NRXN3: variants seen among roughly 807,000 people sequenced by gnomAD.
NRXN3 encodes neurexin 3.
Under a neutral mutation model 137.6 loss-of-function variants are expected in NRXN3, and 32 were observed. The ratio of observed to expected loss-of-function variants is 0.23; its 90% CI spans 0.18 to 0.31. NRXN3 has a LOEUF of 0.31. Among genes scored for constraint, NRXN3 ranks in the 10% least tolerant of loss-of-function variants. NRXN3 has a pLI of 1.00. For synonymous variants in NRXN3, 798 were observed against 784.5 expected (o/e 1.02, Z -0.29); for missense variants, 1,574 against 2,062.5 (o/e 0.76, Z 4.59).
At chr14:78,714,054 T>A (rs547996838) in intron 7 of NRXN3, among the ~76,000 whole-genome samples, 6 of 152,314 alleles carry the variant, frequency 3.9e-5, no homozygotes, top group African/African-American at 1.2e-4. Flanking sequence ...ACAGAATAGG[T>A]CTTCCATACA....
chr14:79,402,002 G>A (rs1005095983), intron 15 of NRXN3, among the ~76,000 whole-genome samples: 9 of 151,998 alleles, frequency 5.9e-5, no homozygotes, highest in African/African-American at 1.9e-4. Flanking sequence ...CTGAAGCTTC[G>A]AATTCCCGGG....
intron 4 of NRXN3, among the ~76,000 whole-genome samples, chr14:78,511,059 T>G (rs1015540072): frequency 1.3e-5 from 2 of 152,184 alleles, no homozygotes; most frequent in African/African-American, 4.8e-5. Flanking sequence ...ACCCAGTGCC[T>G]TCTTATTTCT....
intron 7 of NRXN3, 29 bp from the exon 8 acceptor site, chr14:78,714,727 C>A: frequency 6.2e-7 from 1 of 1,601,236 alleles, no homozygotes; most frequent in Non-Finnish European, 8.5e-7. Flanking sequence ...AACTGGCAGA[C>A]TCACCTGAGA....
chr14:78,999,952 C>G (rs1449713519), intron 15 of NRXN3, among the ~76,000 whole-genome samples: 1 of 152,044 alleles, frequency 6.6e-6, no homozygotes, highest in African/African-American at 2.4e-5. Context: ...TTTATGTTGA[C>G]CAAAATCAGT....
intron 4 of NRXN3, among the ~76,000 whole-genome samples, chr14:78,349,607 G>A (rs994964051): frequency 1.3e-5 from 2 of 152,130 alleles, no homozygotes; most frequent in Non-Finnish European, 2.9e-5. Flanking sequence ...CTAGTTATAG[G>A]CTTTCAGTTG....
At chr14:78,611,899 G>T (rs1430728586) in intron 4 of NRXN3, among the ~76,000 whole-genome samples, 1 of 152,186 alleles carries the variant, frequency 6.6e-6, no homozygotes. Flanking sequence ...CCTTTGAATT[G>T]TTGATAAGAT....
chr14:79,145,086 T>G (rs562296855), intron 15 of NRXN3, among the ~76,000 whole-genome samples: 7 of 152,268 alleles, frequency 4.6e-5, no homozygotes, highest in African/African-American at 1.7e-4. Flanking sequence ...ATCATTTAAA[T>G]GGAAAGCCCT....
intron 15 of NRXN3, among the ~76,000 whole-genome samples, chr14:79,082,177 CAT>C (rs531025593): frequency 2.6e-5 from 4 of 151,928 alleles, no homozygotes; most frequent in East Asian, 1.9e-4. Flanking sequence ...CTATATATCA[CAT>C]GTTTCAAGAA....
chr14:78,472,401 G>A (rs1166865884), intron 4 of NRXN3, among the ~76,000 whole-genome samples: 1 of 152,194 alleles, frequency 6.6e-6, no homozygotes, highest in Non-Finnish European at 1.5e-5. Flanking sequence ...ACAACATTTA[G>A]TAATTTTCCC....
intron 16 of NRXN3, among the ~76,000 whole-genome samples, chr14:79,568,226 G>C (rs900781489): frequency 1.3e-5 from 2 of 152,094 alleles, no homozygotes; most frequent in African/African-American, 2.4e-5. Context: ...GGGATATATT[G>C]CTTGGAGTTC....
At position 79,343,296 on chromosome 14, in the gene NRXN3, G is replaced by A. The variant is rs115561042; in HGVS notation, c.3263-123925G>A. 2.6e-3 allele frequency among the ~76,000 whole-genome samples: 390 copies of A among 152,174 alleles called. 2 individuals carry two copies. Among genetic ancestry groups the A allele is most frequent in the African/African-American group, 8.5e-3 (353 of 41,498 alleles). ...TCTGCTTTGGGAAAGGGCTTTTATC[G>A]TCTTTGTTTTAAACTGTAAGCTATA... On this transcript the variant is annotated intron_variant, in intron 15 of 20. Coordinates refer to ENST00000335750, the MANE Select transcript of NRXN3 (RefSeq NM_001330195.2).
At chr14:79,735,731 G>A (rs1055961793) in intron 19 of NRXN3, among the ~76,000 whole-genome samples, 2 of 152,130 alleles carry the variant, frequency 1.3e-5, no homozygotes, top group African/African-American at 4.8e-5. Flanking sequence ...AACTTCTGCA[G>A]CCCTGTGACT....
intron 10 of NRXN3, among the ~76,000 whole-genome samples, chr14:78,870,853 T>C (rs938222726): frequency 2.6e-5 from 4 of 151,962 alleles, no homozygotes; most frequent in African/African-American, 9.7e-5. Context: ...CTTAACATAA[T>C]ATGCTTTAAT....
chr14:78,931,889 G>A (rs1269856062), intron 10 of NRXN3, among the ~76,000 whole-genome samples: 1 of 152,126 alleles, frequency 6.6e-6, no homozygotes, highest in Non-Finnish European at 1.5e-5. Context: ...GCTCACACCT[G>A]TAATCCCATT....
chr14:79,776,404 T>C (rs1285662541), intron 19 of NRXN3, among the ~76,000 whole-genome samples: 3 of 152,148 alleles, frequency 2.0e-5, no homozygotes, highest in African/African-American at 7.2e-5. Context: ...CCATGCTTCA[T>C]TTACCTAAAT....
intron 15 of NRXN3, among the ~76,000 whole-genome samples, chr14:79,371,109 G>A (rs998364621): frequency 1.3e-5 from 2 of 152,118 alleles, no homozygotes; most frequent in Non-Finnish European, 2.9e-5. Flanking sequence ...GTATCAAGCA[G>A]TAGAAAAAGA....
intron 15 of NRXN3, among the ~76,000 whole-genome samples, chr14:79,439,341 TAATAA>T (rs1379834576): frequency 6.6e-6 from 1 of 152,220 alleles, no homozygotes; most frequent in Non-Finnish European, 1.5e-5. Flanking sequence ...AATATACATT[TAATAA>T]AATTAATATT....
At chr14:79,426,495 A>G (rs1311451302) in intron 15 of NRXN3, among the ~76,000 whole-genome samples, 1 of 152,208 alleles carries the variant, frequency 6.6e-6, no homozygotes, top group Non-Finnish European at 1.5e-5. Flanking sequence ...GTACCTATTG[A>G]TAGAATGTGC....
intron 15 of NRXN3, among the ~76,000 whole-genome samples, chr14:79,120,707 T>C (rs1375351442): frequency 1.3e-5 from 2 of 152,152 alleles, no homozygotes; most frequent in Non-Finnish European, 2.9e-5. Flanking sequence ...TTTGAACATA[T>C]TTTATTTTTG....
Sources: allele counts gnomAD v4.1 joint callset (sites outside exome capture counted in the v4.1 genomes callset), GRCh38; gene constraint gnomAD v4.1.1; transcripts MANE v1.5; gene names NCBI Gene and HGNC (gene_info 2026-07-23, HGNC 2026-07-21).